DGKB: variants seen among roughly 807,000 people sequenced by gnomAD.
DGKB encodes diacylglycerol kinase beta, also known as 90 kDa diacylglycerol kinase.
DGKB carries 67 observed loss-of-function variants against 114.3 expected under a neutral mutation model. The observed-to-expected ratio is 0.59, with a 90% CI of 0.48 to 0.72. The LOEUF (loss-of-function observed/expected upper bound fraction) is 0.72, where lower values mean the gene tolerates loss of function less well. Ranked by LOEUF, DGKB falls within the 30% of genes least tolerant of loss-of-function variation. The pLI is 0.00. For synonymous variants in DGKB, 398 were observed against 323.1 expected (o/e 1.23, Z -2.49); for missense variants, 907 against 975.2 (o/e 0.93, Z 0.93).
chr7:14,300,207 C>G (rs1048187401), intron 23 of DGKB, among the ~76,000 whole-genome samples: 40 of 152,042 alleles, frequency 2.6e-4, no homozygotes, highest in African/African-American at 9.7e-4. Context: ...GGAATGTTTC[C>G]TATTTTAGAT....
chr7:14,583,216 A>G (rs1313972961), intron 17 of DGKB, 79 bp from the exon 18 acceptor site: 1 of 786,308 alleles, frequency 1.3e-6, no homozygotes, highest in African/African-American at 1.8e-5. Context: ...TTAACATTTT[A>G]CCCGATGAAA....
chr7:14,919,099 C>A (rs1025022499), intron 1 of DGKB, among the ~76,000 whole-genome samples: 314 of 142,012 alleles, frequency 2.2e-3, no homozygotes, highest in East Asian at 3.0e-3. Flanking sequence ...CACACAAACA[C>A]ACACACACAC....
At chr7:14,296,179 G>A (rs958889668) in intron 23 of DGKB, among the ~76,000 whole-genome samples, 3 of 151,792 alleles carry the variant, frequency 2.0e-5, no homozygotes, top group East Asian at 3.9e-4. Flanking sequence ...CTACAGGTGT[G>A]TGCCACCATG....
At chr7:14,659,212 G>T (rs1284103066) in intron 13 of DGKB, among the ~76,000 whole-genome samples, 1 of 151,918 alleles carries the variant, frequency 6.6e-6, no homozygotes, top group Non-Finnish European at 1.5e-5. Flanking sequence ...ACCATAACTG[G>T]TCTAAAGGGC....
intron 21 of DGKB, among the ~76,000 whole-genome samples, chr7:14,370,272 T>C (rs1017792105): frequency 1.3e-5 from 2 of 152,210 alleles, no homozygotes; most frequent in East Asian, 1.9e-4. Flanking sequence ...TGTGGCATTA[T>C]TTCCGAGGCC....
At chr7:14,434,385 C>A (rs1583910498) in intron 21 of DGKB, among the ~76,000 whole-genome samples, 3 of 151,938 alleles carry the variant, frequency 2.0e-5, no homozygotes, top group East Asian at 3.9e-4. Context: ...TCCAGGTGAG[C>A]CAAATGTAAT....
At position 14,742,156 on chromosome 7, in the gene DGKB, T is replaced by G. The variant is rs148585724; in HGVS notation, c.169-5962A>C. 4.4e-3 allele frequency among the ~76,000 whole-genome samples: 668 copies of G among 152,308 alleles called. 5 individuals are homozygous for G. The highest frequency in any genetic ancestry group is 0.016 in the African/African-American group (647 of 41,564). ...TGGAACCCCAGTAATTAGAGGCAGA[T>G]AGATCCCTTTCAAAATCTGTTTTTG... On this transcript the variant is annotated intron_variant, in intron 4 of 25. Coordinates refer to ENST00000402815, the MANE Select transcript of DGKB (RefSeq NM_001350709.2).
chr7:14,796,806 T>C (rs1430197606), intron 2 of DGKB, among the ~76,000 whole-genome samples: 1 of 152,140 alleles, frequency 6.6e-6, no homozygotes, highest in East Asian at 1.9e-4. Flanking sequence ...CATGACAATG[T>C]TCCTGGTCAT....
At chr7:14,439,930 G>T (rs1260952917) in intron 21 of DGKB, among the ~76,000 whole-genome samples, 3 of 149,766 alleles carry the variant, frequency 2.0e-5, no homozygotes, top group African/African-American at 7.4e-5. Flanking sequence ...ACTTGAGATT[G>T]TCACTACAAC....
At chr7:14,247,882 C>T (rs1048928541) in intron 23 of DGKB, among the ~76,000 whole-genome samples, 11 of 151,652 alleles carry the variant, frequency 7.3e-5, no homozygotes, top group East Asian at 1.9e-4. Flanking sequence ...TTGTTTTTGT[C>T]GCCCGTACTT....
intron 23 of DGKB, among the ~76,000 whole-genome samples, chr7:14,196,501 C>T (rs183190407): frequency 4.3e-4 from 65 of 152,088 alleles, no homozygotes; most frequent in African/African-American, 1.5e-3. Flanking sequence ...TATTTCATGA[C>T]CTTATGTCTA....
At chr7:14,179,439 G>A (rs1391328060) in intron 23 of DGKB, among the ~76,000 whole-genome samples, 2 of 152,128 alleles carry the variant, frequency 1.3e-5, no homozygotes, top group African/African-American at 4.8e-5. Flanking sequence ...AGTGGAATAC[G>A]GTGGGAGGCA....
intron 22 of DGKB, among the ~76,000 whole-genome samples, chr7:14,344,829 G>A (rs2128590962): frequency 6.6e-6 from 1 of 151,006 alleles, no homozygotes; most frequent in Non-Finnish European, 1.5e-5. Context: ...TGGCAACCTT[G>A]GGAACTGAGA....
chr7:14,825,900 T>C (rs1845642669), intron 2 of DGKB, among the ~76,000 whole-genome samples: 2 of 152,200 alleles, frequency 1.3e-5, no homozygotes, highest in African/African-American at 4.8e-5. Flanking sequence ...GGAGGAGGAT[T>C]GAAGGAACAC....
chr7:14,588,591 T>C (rs567887927), intron 17 of DGKB, among the ~76,000 whole-genome samples: 30 of 152,262 alleles, frequency 2.0e-4, no homozygotes, highest in African/African-American at 5.5e-4. Flanking sequence ...CTTCCTTTCT[T>C]ACTCCCTTTC....
chr7:14,338,409 A>T (rs1331037928), intron 23 of DGKB, 106 bp downstream of exon 23: 2 of 607,310 alleles, frequency 3.3e-6, no homozygotes, highest in Non-Finnish European at 5.2e-6. Flanking sequence ...ATACAACTGT[A>T]AAAATATATA....
rs774616251 is a variant in DGKB, at chr7:14,232,577, C to T, written c.2123-54426G>A. ...AATCATAAGAGTGAACCAAATGCAT[C>T]TCAAAATTTGTGTGATTCCATCTTA... On this transcript the variant is annotated intron_variant, in intron 23 of 25. Transcript: ENST00000402815. Among the ~76,000 whole-genome samples the T allele has an allele frequency of 1.3e-3, 197 of 151,944 alleles. 1 individual carries two copies. Among genetic ancestry groups the T allele is most frequent in the Non-Finnish European group, 2.4e-3 (160 of 67,932 alleles).
intron 21 of DGKB, among the ~76,000 whole-genome samples, chr7:14,416,707 C>T (rs988505737): frequency 2.0e-5 from 3 of 152,048 alleles, no homozygotes; most frequent in Admixed American, 6.6e-5. Flanking sequence ...TTCCCAGCCC[C>T]GTGGAACTGT....
chr7:14,876,499 C>A (rs1318752051), intron 1 of DGKB, among the ~76,000 whole-genome samples: 3 of 152,214 alleles, frequency 2.0e-5, no homozygotes, highest in African/African-American at 7.2e-5. Flanking sequence ...CACTTTGGAG[C>A]TCGCCTTTGC....
Sources: gnomAD v4.1 joint callset for allele counts (sites outside exome capture counted in the v4.1 genomes callset) on GRCh38, gnomAD v4.1.1 for gene constraint, MANE v1.5 for transcripts, NCBI Gene and HGNC (gene_info 2026-07-23, HGNC 2026-07-21) for gene names.